Variants in EXOSC7 observed in about 807,000 individuals in gnomAD.
EXOSC7 encodes exosome complex component RRP42.
In EXOSC7, 25 loss-of-function variants were observed where a neutral mutation model predicts 34.3. The observed-to-expected ratio is 0.73, with a 90% CI of 0.53 to 1.02. EXOSC7 has a LOEUF of 1.02. EXOSC7 is among the 50% of genes least tolerant of loss of function. EXOSC7 has a pLI of 0.00. For missense variants in EXOSC7, 370 were observed against 368.5 expected, an observed-to-expected ratio of 1.00 and a Z score of -0.03; for synonymous variants, 130 against 143.0, an observed-to-expected ratio of 0.91 and a Z score of 0.65.
intron 4 of EXOSC7, among the ~76,000 whole-genome samples, chr3:44,999,263 C>T (rs1264786962): frequency 6.6e-6 from 1 of 152,180 alleles, no homozygotes; most frequent in African/African-American, 2.4e-5. Context: ...CAGGAATATC[C>T]AGGGGAATGT....
downstream of EXOSC7, among the ~76,000 whole-genome samples, chr3:45,011,930 T>C (rs1697297282): frequency 6.6e-6 from 1 of 152,206 alleles, no homozygotes; most frequent in Non-Finnish European, 1.5e-5. Context: ...TTCTTATCAC[T>C]CTTGTTTTGA....
At chr3:44,978,546 T>G (rs1409591219) in intron 1 of EXOSC7, among the ~76,000 whole-genome samples, 2 of 152,188 alleles carry the variant, frequency 1.3e-5, no homozygotes, top group Non-Finnish European at 2.9e-5. Flanking sequence ...AGTGTTTATA[T>G]ATAAAATTGT....
Position 44,989,362 on chromosome 3 carries a change from G to A in EXOSC7, c.159+121G>A, listed in dbSNP as rs1706507464. On this transcript the variant is annotated intron_variant, in intron 2 of 7. Coordinates refer to ENST00000265564, the MANE Select transcript of EXOSC7 (RefSeq NM_015004.4). ...GCTCTTGGGGAAATCGAAGATCCGAGCCAAACTCAGGGAGGGGGGGTCTAT... is the reference window on the plus strand; with the variant it reads ...GCTCTTGGGGAAATCGAAGATCCGAACCAAACTCAGGGAGGGGGGGTCTAT... 1.0e-5 allele frequency: 9 copies of A among 892,002 alleles called. 1 individual carries two copies. Among genetic ancestry groups the A allele is most frequent in the South Asian group, 8.0e-5 (5 of 62,686 alleles). 55.3% of individuals were successfully genotyped at this position (892,002 alleles called of 1,614,324 possible). A position where few individuals can be genotyped will look rare whatever the true frequency, so the allele number is the denominator to read the frequency against.
At chr3:44,990,387 G>C (rs1487244762) in intron 3 of EXOSC7, among the ~76,000 whole-genome samples, 1 of 152,124 alleles carries the variant, frequency 6.6e-6, no homozygotes, top group African/African-American at 2.4e-5. Flanking sequence ...AGTATTATTA[G>C]CTCCACATTC....
intron 4 of EXOSC7, among the ~76,000 whole-genome samples, chr3:44,998,466 A>G (rs969072258): frequency 6.6e-6 from 1 of 152,182 alleles, no homozygotes; most frequent in Non-Finnish European, 1.5e-5. Flanking sequence ...ATTAGCAACT[A>G]CATCTTCCAC....
intron 3 of EXOSC7, among the ~76,000 whole-genome samples, chr3:44,994,856 G>GGGGTGTGTGT (rs1313160149): frequency 8.9e-5 from 12 of 134,948 alleles, no homozygotes; most frequent in African/African-American, 3.4e-4. Context: ...TGGAAGAATG[G>GGGGTGTGTGT]GTGTGTGTGT....
chr3:44,979,731 T>C (rs942605027), intron 1 of EXOSC7, among the ~76,000 whole-genome samples: 8 of 152,204 alleles, frequency 5.3e-5, no homozygotes, highest in South Asian at 2.1e-4. Flanking sequence ...TCTGAACTCA[T>C]GTTTCCAAGA....
chr3:45,007,279 G>T, intron 6 of EXOSC7, 141 bp from the exon 7 acceptor site: 2 of 826,388 alleles, frequency 2.4e-6, no homozygotes, highest in South Asian at 1.8e-5. Flanking sequence ...TGTTTTCCTC[G>T]TGAGCAGAAT....
intron 4 of EXOSC7, among the ~76,000 whole-genome samples, chr3:45,000,990 C>T (rs1472357217): frequency 6.6e-6 from 1 of 152,180 alleles, no homozygotes; most frequent in African/African-American, 2.4e-5. Context: ...ACAGCTATGA[C>T]AAGGCAGTGC....
chr3:44,987,514 G>T (rs1240130247), intron 1 of EXOSC7, among the ~76,000 whole-genome samples: 2 of 152,220 alleles, frequency 1.3e-5, no homozygotes, highest in African/African-American at 4.8e-5. Flanking sequence ...GGAGGTTGCA[G>T]TGAGCTGTGC....
At chr3:44,997,400 T>C in intron 4 of EXOSC7, 148 bp downstream of exon 4, 1 of 606,676 alleles carries the variant, frequency 1.6e-6, no homozygotes, top group Non-Finnish European at 2.7e-6. Flanking sequence ...TCTCCTATAA[T>C]AATTTTTTTA....
At chr3:45,011,775 A>G (rs1164336858), downstream of EXOSC7, among the ~76,000 whole-genome samples, 1 of 152,216 alleles carries the variant, frequency 6.6e-6, no homozygotes, top group African/African-American at 2.4e-5. Flanking sequence ...TGCTGCAGGT[A>G]CACACCCAGG....
At chr3:44,998,031 G>GTTTTTT (rs200353427) in intron 4 of EXOSC7, among the ~76,000 whole-genome samples, 8 of 142,836 alleles carry the variant, frequency 5.6e-5, no homozygotes, top group African/African-American at 1.0e-4. Flanking sequence ...ATTTTTTTTT[G>GTTTTTT]TTTTTTTGTT....
At chr3:44,999,236 G>A (rs181611984) in intron 4 of EXOSC7, among the ~76,000 whole-genome samples, 2 of 152,190 alleles carry the variant, frequency 1.3e-5, no homozygotes, top group Non-Finnish European at 2.9e-5. Flanking sequence ...GTGAGCAGGG[G>A]ATGGATACAT....
At chr3:44,989,444 T>C (rs1706510667) in intron 2 of EXOSC7, 106 bp from the exon 3 acceptor site, 12 of 957,190 alleles carry the variant, frequency 1.3e-5, no homozygotes, top group South Asian at 1.5e-5. Context: ...GTCTTAGCAC[T>C]GCTCCTAAAA....
chr3:45,011,015 T>C (rs1380797887), intron 7 of EXOSC7, among the ~76,000 whole-genome samples: 1 of 152,238 alleles, frequency 6.6e-6, no homozygotes, highest in Non-Finnish European at 1.5e-5. Flanking sequence ...TGTTTGTCTC[T>C]CTTTTTTATT....
chr3:44,994,856 G>GGTGT (rs34579096), intron 3 of EXOSC7, among the ~76,000 whole-genome samples: 3,961 of 134,840 alleles, frequency 0.029, 73 homozygotes, highest in Non-Finnish European at 0.034. Context: ...TGGAAGAATG[G>GGTGT]GTGTGTGTGT....
chr3:45,000,490 T>A (rs1329165271), intron 4 of EXOSC7, among the ~76,000 whole-genome samples: 1 of 152,210 alleles, frequency 6.6e-6, no homozygotes, highest in Non-Finnish European at 1.5e-5. Flanking sequence ...GGCCAAGGCC[T>A]CTCTAAAATG....
At chr3:44,999,144 A>G (rs1351817037) in intron 4 of EXOSC7, among the ~76,000 whole-genome samples, 1 of 151,004 alleles carries the variant, frequency 6.6e-6, no homozygotes, top group African/African-American at 2.4e-5. Flanking sequence ...TCAAAGCAAC[A>G]GAAGCCTGTT....
Sources: gnomAD v4.1 joint callset for allele counts (sites outside exome capture counted in the v4.1 genomes callset) on GRCh38, gnomAD v4.1.1 for gene constraint, MANE v1.5 for transcripts, NCBI Gene and HGNC (gene_info 2026-07-23, HGNC 2026-07-21) for gene names.